The following LRP1B variants were observed in gnomAD, a reference collection of about 807,000 sequenced individuals.
LRP1B encodes LDL receptor related protein 1B.
Under a neutral mutation model 556.6 loss-of-function variants are expected in LRP1B, and 217 were observed. That is an observed-to-expected ratio of 0.39 (90% CI 0.35 to 0.44). LRP1B has a LOEUF of 0.44. Ranked by LOEUF, LRP1B falls within the 20% of genes least tolerant of loss-of-function variation. The pLI, the probability that LRP1B is intolerant of heterozygous loss-of-function variation, is 1.00. For missense variants in LRP1B, 5,053 were observed against 5,620.8 expected (o/e 0.90, Z 3.23); for synonymous variants, 2,047 against 1,865.8 (o/e 1.10, Z -2.50).
At chr2:141,041,228 G>A (rs543706942) in intron 11 of LRP1B, among the ~76,000 whole-genome samples, 1 of 152,142 alleles carries the variant, frequency 6.6e-6, no homozygotes, top group African/African-American at 2.4e-5. Context: ...GTATAGCAAG[G>A]GGGTAGGAGC....
At chr2:141,249,701 G>A (rs1056680799) in intron 4 of LRP1B, among the ~76,000 whole-genome samples, 4 of 152,140 alleles carry the variant, frequency 2.6e-5, no homozygotes, top group Non-Finnish European at 4.4e-5. Context: ...AATAAGAAAT[G>A]AGAGCTCTTC....
intron 7 of LRP1B, among the ~76,000 whole-genome samples, chr2:141,175,347 C>A (rs1680688939): frequency 6.6e-6 from 1 of 152,042 alleles, no homozygotes; most frequent in South Asian, 2.1e-4. Flanking sequence ...GCCTTGAGGC[C>A]TATGAGAGAA....
chr2:142,087,215 G>A (rs1396840570), intron 1 of LRP1B, among the ~76,000 whole-genome samples: 1 of 152,140 alleles, frequency 6.6e-6, no homozygotes, highest in African/African-American at 2.4e-5. Flanking sequence ...CCCAGACACT[G>A]TCTTCTCATG....
At position 140,239,137 on chromosome 2, in the gene LRP1B, G is replaced by A. The variant is rs557696158; in HGVS notation, c.13415+305C>T. On this transcript the variant is annotated intron_variant, in intron 88 of 90. Transcript: ENST00000389484. ...CATTAATATAAAAAGATGCTCCTCA[G>A]AGACCCTTGCTGTTTCAAGGAAAGA... Among the ~76,000 whole-genome samples the A allele has an allele frequency of 8.0e-5, 12 of 150,886 alleles. No homozygotes were observed. The East Asian group carries it at 2.4e-3, about 30-fold the overall frequency.
At chr2:140,818,112 G>A (rs1278322171) in intron 31 of LRP1B, among the ~76,000 whole-genome samples, 2 of 104,734 alleles carry the variant, frequency 1.9e-5, no homozygotes, top group East Asian at 6.2e-4. Context: ...AATTCAACTG[G>A]GCCTTTTAAA....
chr2:140,252,624 A>T (rs1036958074), intron 86 of LRP1B, among the ~76,000 whole-genome samples: 1 of 152,100 alleles, frequency 6.6e-6, no homozygotes, highest in Non-Finnish European at 1.5e-5. Flanking sequence ...CCAGGAGAGT[A>T]CCAGGCTCTA....
chr2:140,485,252 G>T, intron 59 of LRP1B, 91 bp downstream of exon 59: 2 of 917,604 alleles, frequency 2.2e-6, no homozygotes, highest in Non-Finnish European at 3.1e-6. Context: ...CGTTACATTG[G>T]ATTTCCATGT....
At chr2:141,150,781 C>A (rs970856820) in intron 7 of LRP1B, among the ~76,000 whole-genome samples, 2 of 151,558 alleles carry the variant, frequency 1.3e-5, no homozygotes, top group Non-Finnish European at 2.9e-5. Context: ...CTTTGCCTTC[C>A]AACAGTGAAA....
Position 140,770,951 on chromosome 2 carries a change from T to C in LRP1B, c.5556A>G (p.Thr1852=), listed in dbSNP as rs1169921321. 1.9e-6 allele frequency: 3 copies of C among 1,590,850 alleles called. No homozygotes were observed. The highest frequency in any genetic ancestry group is 2.6e-6 in the Non-Finnish European group (3 of 1,170,726). Residue 1852 remains threonine, a synonymous_variant, in exon 34 of 91, where the codon ACA becomes ACG. Transcript: ENST00000389484. ...ACATACAAGTCCTTGTAGTTTCAGATGTTGGTAAACAAAGTTGAGAGCATC... is the reference window on the plus strand; with the variant it reads ...ACATACAAGTCCTTGTAGTTTCAGACGTTGGTAAACAAAGTTGAGAGCATC... ...NGGCSQLCLP[T]SETTRTCMCT...
At chr2:142,063,613 C>T (rs1022321042) in intron 1 of LRP1B, among the ~76,000 whole-genome samples, 4 of 151,474 alleles carry the variant, frequency 2.6e-5, no homozygotes, top group East Asian at 1.9e-4. Context: ...TAAAATAAAG[C>T]TTGCAACAAA....
At chr2:141,641,533 G>A (rs1391160349) in intron 2 of LRP1B, among the ~76,000 whole-genome samples, 1 of 152,088 alleles carries the variant, frequency 6.6e-6, no homozygotes, top group African/African-American at 2.4e-5. Context: ...AATTAAGGGA[G>A]CTTCCAAAAC....
chr2:141,871,541 C>A (rs1698587054), intron 1 of LRP1B, among the ~76,000 whole-genome samples: 1 of 151,886 alleles, frequency 6.6e-6, no homozygotes, highest in Non-Finnish European at 1.5e-5. Flanking sequence ...AGAATACCAA[C>A]TCTTGATACT....
At chr2:141,128,474 A>T (rs190048784) in intron 7 of LRP1B, among the ~76,000 whole-genome samples, 20 of 151,986 alleles carry the variant, frequency 1.3e-4, no homozygotes, top group Middle Eastern at 3.4e-3. Context: ...TCTTCTGTTC[A>T]CTCCCTCACT....
chr2:141,867,700 A>G (rs1434094960), intron 1 of LRP1B, among the ~76,000 whole-genome samples: 1 of 152,172 alleles, frequency 6.6e-6, no homozygotes, highest in Non-Finnish European at 1.5e-5. Flanking sequence ...TTATTTTTCA[A>G]TAATAGAAAG....
intron 2 of LRP1B, among the ~76,000 whole-genome samples, chr2:141,618,358 C>G (rs1019100312): frequency 6.6e-6 from 1 of 152,118 alleles, no homozygotes; most frequent in Non-Finnish European, 1.5e-5. Flanking sequence ...ATTTCAACTT[C>G]AAACAAATGT....
chr2:141,072,216 A>G (rs889876883), intron 7 of LRP1B, among the ~76,000 whole-genome samples: 1 of 152,114 alleles, frequency 6.6e-6, no homozygotes, highest in South Asian at 2.1e-4. Flanking sequence ...CTCAAATGGT[A>G]AAATCCACTG....
At chr2:141,285,087 A>T (rs1322636094) in intron 3 of LRP1B, among the ~76,000 whole-genome samples, 2 of 149,316 alleles carry the variant, frequency 1.3e-5, no homozygotes, top group Non-Finnish European at 3.0e-5. Flanking sequence ...TCCTATATAA[A>T]CCCATATTTC....
At position 141,611,658 on chromosome 2, in the gene LRP1B, G is replaced by C. The variant is rs192522755; in HGVS notation, c.206-131125C>G. ...CTTCTATATGATTAACAGAAAAACA[G>C]TGAATTAATGTTGTTATCTTAATAT... On this transcript the variant is annotated intron_variant, in intron 2 of 90. Coordinates refer to ENST00000389484, the MANE Select transcript of LRP1B (RefSeq NM_018557.3). Among the ~76,000 whole-genome samples the C allele has an allele frequency of 2.2e-4, 33 of 152,296 alleles. No homozygotes were observed. In the East Asian group the frequency reaches 6.2e-3, roughly 28 times the overall value.
intron 2 of LRP1B, among the ~76,000 whole-genome samples, chr2:141,722,164 T>C (rs745834286): frequency 6.6e-6 from 1 of 152,094 alleles, no homozygotes; most frequent in South Asian, 2.1e-4. Context: ...GACCACCTGA[T>C]GTCAGGAGTT....
Sources: gnomAD v4.1 joint callset for allele counts (sites outside exome capture counted in the v4.1 genomes callset) on GRCh38, gnomAD v4.1.1 for gene constraint, MANE v1.5 for transcripts, NCBI Gene and HGNC (gene_info 2026-07-23, HGNC 2026-07-21) for gene names.